SLC8A1: variants seen among roughly 807,000 people sequenced by gnomAD.
SLC8A1 encodes solute carrier family 8 member A1, also known as sodium/calcium exchanger 1.
SLC8A1 carries 18 observed loss-of-function variants against 68.3 expected under a neutral mutation model. That is an observed-to-expected ratio of 0.26 (90% CI 0.18 to 0.39). The LOEUF (loss-of-function observed/expected upper bound fraction) is 0.39. Ranked by LOEUF, SLC8A1 falls within the 10% of genes least tolerant of loss-of-function variation. The pLI is 1.00. For missense variants in SLC8A1, 985 were observed against 1,156.7 expected (o/e 0.85, Z 2.15); for synonymous variants, 475 against 415.5 (o/e 1.14, Z -1.74).
chr2:40,298,008 T>C (rs1043036684), intron 2 of SLC8A1, among the ~76,000 whole-genome samples: 1 of 152,082 alleles, frequency 6.6e-6, no homozygotes, highest in Non-Finnish European at 1.5e-5. Context: ...GACTCCTGAG[T>C]AGCTAGGATT....
At chr2:40,371,864 T>C (rs997328111) in intron 2 of SLC8A1, among the ~76,000 whole-genome samples, 3 of 152,038 alleles carry the variant, frequency 2.0e-5, no homozygotes, top group Non-Finnish European at 4.4e-5. Context: ...AGCCAGACAA[T>C]ACGGTTTTAC....
At chr2:40,312,627 G>C (rs1186498357) in intron 2 of SLC8A1, among the ~76,000 whole-genome samples, 1 of 151,980 alleles carries the variant, frequency 6.6e-6, no homozygotes, top group Non-Finnish European at 1.5e-5. Flanking sequence ...GTTTCTATAA[G>C]GATGGACTTC....
intron 2 of SLC8A1, among the ~76,000 whole-genome samples, chr2:40,248,695 C>T (rs1244660080): frequency 6.6e-6 from 1 of 151,992 alleles, no homozygotes; most frequent in Non-Finnish European, 1.5e-5. Context: ...ATATTCAATT[C>T]CCCTTTCCGT....
At chr2:40,307,166 C>T (rs2072795463) in intron 2 of SLC8A1, among the ~76,000 whole-genome samples, 1 of 151,188 alleles carries the variant, frequency 6.6e-6, no homozygotes, top group Admixed American at 6.6e-5. Flanking sequence ...CACACACACA[C>T]ACACAAACAC....
chr2:40,323,407 C>T lies in SLC8A1; in HGVS notation c.1808+105066G>A, dbSNP rs1219283016. Among the ~76,000 whole-genome samples, 11 of 152,120 alleles carry T rather than the reference C, an allele frequency of 7.2e-5. No homozygotes were observed. In the South Asian group the frequency reaches 2.1e-3, roughly 29 times the overall value. ...TCTGAATCTCAAATTATTTCTTCACCTGGTTTTTAAAAAAGGTCAATTTCC... is the reference window on the plus strand; with the variant it reads ...TCTGAATCTCAAATTATTTCTTCACTTGGTTTTTAAAAAAGGTCAATTTCC... On this transcript the variant is annotated intron_variant, in intron 2 of 7. Coordinates refer to ENST00000406785, the Ensembl canonical transcript of SLC8A1.
intron 2 of SLC8A1, among the ~76,000 whole-genome samples, chr2:40,399,076 T>C (rs1687884899): frequency 6.6e-6 from 1 of 151,866 alleles, no homozygotes; most frequent in South Asian, 2.1e-4. Flanking sequence ...CAGTCAGGAG[T>C]ACCTATTATT....
intron 3 of SLC8A1, chr2:40,176,081 G>A (rs940585796): frequency 2.6e-6 from 1 of 391,042 alleles, no homozygotes; most frequent in East Asian, 8.0e-5. Context: ...TTTAAGCCCA[G>A]AATGTACTGT....
chr2:40,504,186 T>G (rs1168923187), intron 1 of SLC8A1, among the ~76,000 whole-genome samples: 1 of 151,946 alleles, frequency 6.6e-6, no homozygotes, highest in African/African-American at 2.4e-5. Context: ...TTTACAAAGT[T>G]GCCAAGAACA....
chr2:40,328,954 T>C (rs953629863), intron 2 of SLC8A1, among the ~76,000 whole-genome samples: 2 of 152,052 alleles, frequency 1.3e-5, no homozygotes, highest in African/African-American at 4.8e-5. Flanking sequence ...CCAGCAACTC[T>C]AGAAAACCAG....
chr2:40,391,177 G>A (rs1405996048), intron 2 of SLC8A1, among the ~76,000 whole-genome samples: 1 of 36,814 alleles, frequency 2.7e-5, no homozygotes, highest in South Asian at 5.1e-4. Context: ...GTAGATGCGT[G>A]TGTGTATATA....
chr2:40,262,215 C>A (rs1412973159), intron 2 of SLC8A1, among the ~76,000 whole-genome samples: 1 of 152,204 alleles, frequency 6.6e-6, no homozygotes, highest in Non-Finnish European at 1.5e-5. Flanking sequence ...CCCACCTCAG[C>A]CTCCCAAAGT....
chr2:40,439,370 C>T (rs929099375), intron 1 of SLC8A1, among the ~76,000 whole-genome samples: 1 of 152,014 alleles, frequency 6.6e-6, no homozygotes, highest in Non-Finnish European at 1.5e-5. Flanking sequence ...ACATGAACCC[C>T]AAAATGAAGT....
chr2:40,119,674 C>T (rs1333135012), intron 7 of SLC8A1, among the ~76,000 whole-genome samples: 1 of 152,184 alleles, frequency 6.6e-6, no homozygotes, highest in Non-Finnish European at 1.5e-5. Context: ...ATATATGGAT[C>T]AGATTTCCAA....
chr2:40,461,165 A>G (rs1421079582), intron 1 of SLC8A1, among the ~76,000 whole-genome samples: 1 of 152,204 alleles, frequency 6.6e-6, no homozygotes, highest in African/African-American at 2.4e-5. Flanking sequence ...TGCAACACAT[A>G]TAATTTCTAT....
At chr2:40,383,740 A>C (rs1682673696) in intron 2 of SLC8A1, among the ~76,000 whole-genome samples, 1 of 152,130 alleles carries the variant, frequency 6.6e-6, no homozygotes, top group South Asian at 2.1e-4. Context: ...TTATTTGGCA[A>C]GACACTATTT....
At chr2:40,422,960 A>G (rs1381279248) in intron 2 of SLC8A1, among the ~76,000 whole-genome samples, 1 of 152,198 alleles carries the variant, frequency 6.6e-6, no homozygotes, top group Non-Finnish European at 1.5e-5. Context: ...CTATTATAAT[A>G]TCACATGTAT....
intron 2 of SLC8A1, among the ~76,000 whole-genome samples, chr2:40,186,561 C>G (rs1348813241): frequency 1.3e-5 from 2 of 152,140 alleles, no homozygotes; most frequent in African/African-American, 4.8e-5. Context: ...ATTTTTACAT[C>G]ATTTTTAGAT....
chr2:40,310,148 A>C (rs1167673860), intron 2 of SLC8A1, among the ~76,000 whole-genome samples: 1 of 152,222 alleles, frequency 6.6e-6, no homozygotes. Context: ...ACATCTTCCA[A>C]GTAATTACTG....
intron 2 of SLC8A1, chr2:40,251,157 G>C (rs906939438): frequency 8.6e-5 from 13 of 151,970 alleles, no homozygotes; most frequent in Non-Finnish European, 1.8e-4. Flanking sequence ...GTGTGAAAAT[G>C]ATTCTCTTTT....
Sources: gnomAD v4.1 joint callset for allele counts (sites outside exome capture counted in the v4.1 genomes callset) on GRCh38, gnomAD v4.1.1 for gene constraint, MANE v1.5 for transcripts, NCBI Gene and HGNC (gene_info 2026-07-23, HGNC 2026-07-21) for gene names.